The following WWC1 variants were observed in gnomAD, a reference collection of about 807,000 sequenced individuals.
WWC1 encodes WW and C2 domain containing 1.
Under a neutral mutation model 138.4 loss-of-function variants are expected in WWC1, and 55 were observed. The observed-to-expected ratio is 0.40, with a 90% CI of 0.32 to 0.50. WWC1 has a LOEUF of 0.50. Ranked by LOEUF, WWC1 falls within the 20% of genes least tolerant of loss-of-function variation. The pLI is 0.72. For missense variants in WWC1, 1,226 were observed against 1,420.4 expected (o/e 0.86, Z 2.20); for synonymous variants, 524 against 564.9 (o/e 0.93, Z 1.03).
At chr5:168,426,593 TCTC>T (rs1781520403) in intron 11 of WWC1, among the ~76,000 whole-genome samples, 1 of 152,162 alleles carries the variant, frequency 6.6e-6, no homozygotes, top group South Asian at 2.1e-4. Context: ...GACAAATTAA[TCTC>T]CTTAAGTGGT....
chr5:168,298,810 G>A (rs150573742), intron 1 of WWC1, among the ~76,000 whole-genome samples: 5 of 152,132 alleles, frequency 3.3e-5, no homozygotes, highest in African/African-American at 9.7e-5. Flanking sequence ...CCGGCCGGGC[G>A]CAGTGGCTCA....
chr5:168,310,833 G>C (rs1347809124), intron 1 of WWC1, among the ~76,000 whole-genome samples: 18 of 73,096 alleles, frequency 2.5e-4, no homozygotes, highest in Non-Finnish European at 6.6e-5. Context: ...GGGAGACCCT[G>C]TCTAAAAAAA....
intron 11 of WWC1, among the ~76,000 whole-genome samples, chr5:168,426,821 G>A (rs976305310): frequency 6.6e-6 from 1 of 152,246 alleles, no homozygotes; most frequent in African/African-American, 2.4e-5. Flanking sequence ...CAGGTGCTCA[G>A]AGGTGTTAGC....
Position 168,458,459 on chromosome 5 carries a change from C to T in WWC1, c.2824-2191C>T, listed in dbSNP as rs184285058. 5.9e-5 allele frequency among the ~76,000 whole-genome samples: 9 copies of T among 152,266 alleles called. No individual in the cohort carries two copies. The East Asian group carries it at 1.4e-3, about 23-fold the overall frequency. ...TCCTCTGCTGGGTGCCTCCCTTGTT[C>T]GATCTTCATCTTCACCTATGTCACT... On this transcript the variant is annotated intron_variant, in intron 19 of 22. Transcript: ENST00000265293.
rs531957049 is a variant in WWC1, at chr5:168,406,815, G to A, written c.720+488G>A. 7.9e-5 allele frequency among the ~76,000 whole-genome samples: 12 copies of A among 151,996 alleles called. No individual in the cohort carries two copies. The East Asian group carries it at 1.5e-3, about 20-fold the overall frequency. Reference sequence around the variant, plus strand: ...AAATAAGCCAGTTGCAGTGGCGGGCGCCTGTAGTCCCAGCTACTCGGGAGG... The same window carrying A: ...AAATAAGCCAGTTGCAGTGGCGGGCACCTGTAGTCCCAGCTACTCGGGAGG... On this transcript the variant is annotated intron_variant, in intron 6 of 22. Transcript: ENST00000265293.
At chr5:168,336,630 C>T (rs369538024) in intron 1 of WWC1, among the ~76,000 whole-genome samples, 302 of 151,940 alleles carry the variant, frequency 2.0e-3, no homozygotes, top group African/African-American at 6.5e-3. Flanking sequence ...CTCAGGACCC[C>T]GGCCAGGAGG....
chr5:168,362,063 A>G (rs1217814485), intron 1 of WWC1, among the ~76,000 whole-genome samples: 1 of 152,236 alleles, frequency 6.6e-6, no homozygotes, highest in East Asian at 1.9e-4. Flanking sequence ...AGCCTGGGCA[A>G]CAAGAGTGAA....
At chr5:168,412,987 C>A (rs1235350786) in intron 8 of WWC1, among the ~76,000 whole-genome samples, 1 of 152,140 alleles carries the variant, frequency 6.6e-6, no homozygotes, top group Non-Finnish European at 1.5e-5. Flanking sequence ...GGGACACTTG[C>A]CTGGGGAACA....
intron 8 of WWC1, chr5:168,411,575 C>A (rs1780237292): frequency 6.6e-6 from 1 of 152,180 alleles, no homozygotes; most frequent in African/African-American, 2.4e-5. Flanking sequence ...CAGACTCAGT[C>A]TCTCTCCTTT....
At chr5:168,293,800 G>C (rs994172214) in intron 1 of WWC1, among the ~76,000 whole-genome samples, 1 of 152,178 alleles carries the variant, frequency 6.6e-6, no homozygotes, top group African/African-American at 2.4e-5. Context: ...TTGAAGCCCA[G>C]AGGTGTGATT....
At chr5:168,326,216 C>CTTTTTTT (rs796347858) in intron 1 of WWC1, among the ~76,000 whole-genome samples, 29 of 113,238 alleles carry the variant, frequency 2.6e-4, no homozygotes, top group Non-Finnish European at 3.9e-4. Context: ...ACCTGATAGT[C>CTTTTTTT]TTTTTTTTTT....
chr5:168,404,709 A>AAACTCCTT (rs1457467566), intron 5 of WWC1, among the ~76,000 whole-genome samples: 1 of 152,104 alleles, frequency 6.6e-6, no homozygotes, highest in African/African-American at 2.4e-5. Flanking sequence ...GCAGACTGTA[A>AAACTCCTT]AACTCCTTTT....
chr5:168,449,268 A>G (rs1183078037), intron 17 of WWC1, among the ~76,000 whole-genome samples: 1 of 152,094 alleles, frequency 6.6e-6, no homozygotes, highest in African/African-American at 2.4e-5. Flanking sequence ...ATCTTGGAAT[A>G]TTGAGATCAG....
intron 1 of WWC1, among the ~76,000 whole-genome samples, chr5:168,327,079 A>G (rs988228385): frequency 5.9e-5 from 9 of 152,172 alleles, no homozygotes; most frequent in Admixed American, 5.2e-4. Flanking sequence ...CCAGGCTCCA[A>G]GATCATTTTC....
chr5:168,354,228 T>A (rs1775222631), intron 1 of WWC1, among the ~76,000 whole-genome samples: 1 of 152,066 alleles, frequency 6.6e-6, no homozygotes, highest in African/African-American at 2.4e-5. Context: ...TTTTTGTATT[T>A]TTAGTAGAGA....
chr5:168,361,832 A>G (rs1430732311), intron 1 of WWC1, among the ~76,000 whole-genome samples: 7 of 152,252 alleles, frequency 4.6e-5, no homozygotes, highest in Non-Finnish European at 8.8e-5. Context: ...CTGTAATCCC[A>G]GCACTTTGGG....
chr5:168,427,958 A>G, intron 11 of WWC1, 75 bp from the exon 12 acceptor site: 1 of 1,343,492 alleles, frequency 7.4e-7, no homozygotes, highest in East Asian at 2.4e-5. Context: ...CCCTGCCTCA[A>G]AAACAAAACA....
chr5:168,455,583 G>A (rs1431128989), intron 19 of WWC1, 63 bp downstream of exon 19: 4 of 1,578,030 alleles, frequency 2.5e-6, no homozygotes, highest in East Asian at 2.3e-5. Flanking sequence ...ACACAGGGCT[G>A]GGTGCAAATC....
At chr5:168,354,822 G>T (rs1001097076) in intron 1 of WWC1, among the ~76,000 whole-genome samples, 40 of 152,156 alleles carry the variant, frequency 2.6e-4, no homozygotes, top group Non-Finnish European at 4.1e-4. Flanking sequence ...CAGTTTTGTG[G>T]CCTGCAGCAG....
Sources: gnomAD v4.1 joint callset for allele counts (sites outside exome capture counted in the v4.1 genomes callset) on GRCh38, gnomAD v4.1.1 for gene constraint, MANE v1.5 for transcripts, NCBI Gene and HGNC (gene_info 2026-07-23, HGNC 2026-07-21) for gene names.